Variants in DGKI observed in about 807,000 individuals in gnomAD.
The protein encoded by DGKI is diacylglycerol kinase iota, also known as DAG kinase iota.
In DGKI, 55 loss-of-function variants were observed where a neutral mutation model predicts 147.5. The ratio of observed to expected loss-of-function variants is 0.37; its 90% CI spans 0.30 to 0.47. The LOEUF is 0.47. Ranked by LOEUF, DGKI falls within the 20% of genes least tolerant of loss-of-function variation. The pLI is 1.00. For missense variants in DGKI, 1,007 were observed against 1,323.8 expected (o/e 0.76, Z 3.71); for synonymous variants, 469 against 477.1 (o/e 0.98, Z 0.22).
At chr7:137,816,591 T>C (rs1449472219) in intron 1 of DGKI, among the ~76,000 whole-genome samples, 4 of 152,326 alleles carry the variant, frequency 2.6e-5, no homozygotes, top group African/African-American at 9.6e-5. Context: ...GATACAGCAG[T>C]GAACCAATCA....
chr7:137,471,650 T>C (rs1585146361), intron 23 of DGKI, among the ~76,000 whole-genome samples: 2 of 152,094 alleles, frequency 1.3e-5, no homozygotes, highest in South Asian at 4.1e-4. Context: ...TGAAAGAACC[T>C]AAAGTTACCG....
Position 137,388,871 on chromosome 7 carries a change from T to G in DGKI, c.*2349A>C, listed in dbSNP as rs552516236. The G allele has an allele frequency of 6.6e-6, 1 of 152,290 alleles. No individual in the cohort carries two copies. Among genetic ancestry groups the G allele is most frequent in the African/African-American group, 2.4e-5 (1 of 41,572 alleles). The allele number at this position is 152,290 out of a possible 1,614,324, so 9.4% of individuals were successfully genotyped here. A position where few individuals can be genotyped will look rare whatever the true frequency, so the allele number is the denominator to read the frequency against. On this transcript the variant is annotated 3_prime_UTR_variant, in exon 33 of 33. Transcript: ENST00000614521. ...AATCTTACAGTACCAACTCATCATT[T>G]TTCATAACACAGATTTATGTCTTCA... is the stretch of plus-strand genomic sequence containing the variant.
At chr7:137,678,140 C>T (rs1823100159) in intron 3 of DGKI, among the ~76,000 whole-genome samples, 2 of 152,094 alleles carry the variant, frequency 1.3e-5, no homozygotes, top group African/African-American at 4.8e-5. Context: ...CCTCTCTTTC[C>T]ACCTTCACCC....
intron 30 of DGKI, among the ~76,000 whole-genome samples, chr7:137,404,981 C>G (rs1369398841): frequency 6.6e-6 from 1 of 152,112 alleles, no homozygotes; most frequent in Non-Finnish European, 1.5e-5. Flanking sequence ...GTTAGAAACT[C>G]CAAGGCCTGT....
chr7:137,423,774 C>T (rs1812672043), intron 28 of DGKI, among the ~76,000 whole-genome samples: 1 of 152,160 alleles, frequency 6.6e-6, no homozygotes, highest in African/African-American at 2.4e-5. Context: ...CAGCAAAATG[C>T]ACATACGGCA....
intron 20 of DGKI, among the ~76,000 whole-genome samples, chr7:137,528,373 A>G (rs1817225641): frequency 1.3e-5 from 2 of 152,198 alleles, no homozygotes; most frequent in Admixed American, 1.3e-4. Flanking sequence ...CTTCAATTAA[A>G]TAATGCCTCG....
intron 6 of DGKI, among the ~76,000 whole-genome samples, chr7:137,634,028 T>C (rs1172890319): frequency 6.6e-6 from 1 of 152,006 alleles, no homozygotes; most frequent in Non-Finnish European, 1.5e-5. Context: ...GAGTCAGGGG[T>C]CCCCCATGTC....
In DGKI at chr7:137,513,933, G is replaced by A. The variant is rs576638712; in HGVS notation, c.2248+7933C>T. 7.9e-5 allele frequency: 64 copies of A among 809,272 alleles called. No individual in the cohort carries two copies. In the African/African-American group the frequency reaches 9.9e-4, roughly 12 times the overall value. The allele number at this position is 809,272 out of a possible 1,614,324, so 50.1% of individuals were successfully genotyped here. ...GAAGAAAGATGAGGCAGAGGTCCAA[G>A]TAAACCGCTAGCTTGTTGCACCGTG... On this transcript the variant is annotated intron_variant, in intron 21 of 32. Transcript: ENST00000614521.
intron 19 of DGKI, among the ~76,000 whole-genome samples, chr7:137,567,817 T>G (rs1230877465): frequency 6.6e-6 from 1 of 152,210 alleles, no homozygotes; most frequent in African/African-American, 2.4e-5. Flanking sequence ...AGAAAGTATC[T>G]TTTAAAAGTC....
chr7:137,772,553 C>T (rs1369234965), intron 1 of DGKI, among the ~76,000 whole-genome samples: 1 of 152,050 alleles, frequency 6.6e-6, no homozygotes, highest in African/African-American at 2.4e-5. Context: ...TGACCTAAGC[C>T]CCCAGATCTG....
At chr7:137,623,375 A>T (rs1477069353) in intron 7 of DGKI, 108 bp downstream of exon 7, 10 of 1,017,608 alleles carry the variant, frequency 9.8e-6, no homozygotes, top group Non-Finnish European at 1.5e-5. Context: ...GAAAAGCAAT[A>T]CATTAAATTA....
intron 28 of DGKI, among the ~76,000 whole-genome samples, chr7:137,443,591 C>A (rs570136034): frequency 6.6e-6 from 1 of 152,298 alleles, no homozygotes; most frequent in South Asian, 2.1e-4. Context: ...TTCATCTCAA[C>A]TGGGTAACAA....
intron 1 of DGKI, among the ~76,000 whole-genome samples, chr7:137,709,410 G>C (rs186067430): frequency 6.6e-6 from 1 of 152,264 alleles, no homozygotes; most frequent in Admixed American, 6.5e-5. Context: ...CAGCAAAAAT[G>C]AAAGACTAAA....
At position 137,487,592 on chromosome 7, in the gene DGKI, T is replaced by C. The variant is rs1815610720; in HGVS notation, c.2328+18A>G. 1.2e-6 allele frequency: 2 copies of C among 1,607,692 alleles called. No homozygotes were observed. Among genetic ancestry groups the C allele is most frequent in the Non-Finnish European group, 1.7e-6 (2 of 1,174,664 alleles). On this transcript the variant is annotated intron_variant, in intron 22 of 32. Coordinates refer to ENST00000614521, the MANE Select transcript of DGKI (RefSeq NM_001321708.2). ...ATGGAAAGTTGAGGAGAATAAAAAA[T>C]TGGCTAAATAAACTCACCTCCTGTA... is the stretch of plus-strand genomic sequence containing the variant.
At chr7:137,649,143 T>C (rs368363959) in intron 5 of DGKI, among the ~76,000 whole-genome samples, 2 of 152,302 alleles carry the variant, frequency 1.3e-5, no homozygotes, top group South Asian at 2.1e-4. Context: ...GTGTGTTGAA[T>C]TGAATGGAAT....
intron 28 of DGKI, among the ~76,000 whole-genome samples, chr7:137,436,096 T>G (rs997331021): frequency 6.6e-6 from 1 of 152,126 alleles, no homozygotes; most frequent in African/African-American, 2.4e-5. Flanking sequence ...TTCTTAATCT[T>G]CTTTACTCGT....
intron 1 of DGKI, chr7:137,722,358 G>A (rs976342532): frequency 9.9e-5 from 159 of 1,612,768 alleles, no homozygotes; most frequent in Non-Finnish European, 1.3e-4. Flanking sequence ...TGCCTCGAAA[G>A]CTGTTGAGCC....
intron 6 of DGKI, among the ~76,000 whole-genome samples, chr7:137,634,314 T>C (rs1477091726): frequency 2.0e-5 from 3 of 152,146 alleles, no homozygotes; most frequent in Admixed American, 1.3e-4. Flanking sequence ...TCACTCCATG[T>C]GATTAGAAAT....
intron 20 of DGKI, among the ~76,000 whole-genome samples, chr7:137,523,543 G>A (rs1817038983): frequency 6.6e-6 from 1 of 151,970 alleles, no homozygotes; most frequent in African/African-American, 2.4e-5. Flanking sequence ...ATGGTAGGCA[G>A]GTAAAAATGT....
Sources: gnomAD v4.1 joint callset for allele counts (sites outside exome capture counted in the v4.1 genomes callset) on GRCh38, gnomAD v4.1.1 for gene constraint, MANE v1.5 for transcripts, NCBI Gene and HGNC (gene_info 2026-07-23, HGNC 2026-07-21) for gene names.